MAPKAPK3: variants seen among roughly 807,000 people sequenced by gnomAD.
The protein encoded by MAPKAPK3 is MAP kinase-activated protein kinase 3.
A neutral mutation model predicts 49.2 loss-of-function variants in MAPKAPK3; 35 were observed. The observed-to-expected ratio is 0.71, with a 90% confidence interval of 0.54 to 0.94. The LOEUF (loss-of-function observed/expected upper bound fraction) is 0.94. Ranked by LOEUF, MAPKAPK3 falls within the 40% of genes least tolerant of loss-of-function variation. The pLI is 0.00. For synonymous variants in MAPKAPK3, 178 were observed against 188.7 expected (o/e 0.94, Z 0.46); for missense variants, 398 against 493.1 (o/e 0.81, Z 1.83).
At chr3:50,632,490 G>A (rs1454032453) in intron 2 of MAPKAPK3, among the ~76,000 whole-genome samples, 1 of 152,212 alleles carries the variant, frequency 6.6e-6, no homozygotes, top group Non-Finnish European at 1.5e-5. Flanking sequence ...AATAAGCAGG[G>A]CTTGCAGAAA....
upstream of MAPKAPK3, among the ~76,000 whole-genome samples, chr3:50,616,680 C>T (rs1441439176): frequency 2.0e-5 from 3 of 152,134 alleles, no homozygotes; most frequent in African/African-American, 7.2e-5. Context: ...GTGGCGAATT[C>T]AACAACGACA....
rs780822673 is a variant in MAPKAPK3 at position 50,646,175 on chromosome 3, G to T, written c.740G>T (p.Gly247Val). ...CGFPPFYSNTGQAISPGMKRR... is the reference protein window; with the variant it reads ...CGFPPFYSNTVQAISPGMKRR... ...TTCCCACCCTTCTACTCCAACACGG[G>T]CCAGGCCATCTCCCCGGGGATGAAG... Residue 247 changes from glycine to valine, a missense_variant, in exon 8 of 11, where the codon GGC becomes GTC. Gly to Val is a moderately radical substitution (Grantham distance 109). Coordinates refer to ENST00000621469, the MANE Select transcript of MAPKAPK3 (RefSeq NM_001243925.2). 1 of 1,614,080 alleles carries T rather than the reference G, an allele frequency of 6.2e-7. No homozygotes were observed. Among genetic ancestry groups the T allele is most frequent in the Non-Finnish European group, 8.5e-7 (1 of 1,180,004 alleles).
intron 2 of MAPKAPK3, among the ~76,000 whole-genome samples, chr3:50,627,108 C>G (rs1277493428): frequency 6.6e-6 from 1 of 150,702 alleles, no homozygotes; most frequent in East Asian, 2.0e-4. Flanking sequence ...CACTTGAACC[C>G]GGGAAATGGA....
upstream of MAPKAPK3, among the ~76,000 whole-genome samples, chr3:50,613,299 T>C (rs1430601232): frequency 2.6e-5 from 4 of 152,214 alleles, no homozygotes; most frequent in East Asian, 1.9e-4. Flanking sequence ...AAAAGAAACC[T>C]GAAAGCAAAA....
In MAPKAPK3 at chr3:50,647,202, AGGTG is replaced by A. The variant is rs1198671194; in HGVS notation, c.996+6_996+9del. 3 of 1,584,650 alleles carry A rather than the reference AGGTG, an allele frequency of 1.9e-6. No individual in the cohort carries two copies. Among genetic ancestry groups the A allele is most frequent in the Non-Finnish European group, 2.6e-6 (3 of 1,165,034 alleles). ...GACAAAGACCACTGGGACGAAGTCA[AGGTG>A]GGTGGGCTCTGCCTCAGTCTCAATA... On this transcript the variant is annotated splice_donor_variant and splice_donor_region_variant and coding_sequence_variant and intron_variant, in exon 10 of 11. Coordinates refer to ENST00000621469, the MANE Select transcript of MAPKAPK3 (RefSeq NM_001243925.2). LOFTEE classifies it high-confidence loss of function.
intron 2 of MAPKAPK3, among the ~76,000 whole-genome samples, chr3:50,621,423 C>G (rs1308151840): frequency 6.6e-6 from 1 of 152,056 alleles, no homozygotes; most frequent in Non-Finnish European, 1.5e-5. Context: ...AAAACCTTGT[C>G]TCTACTAAAA....
intron 2 of MAPKAPK3, among the ~76,000 whole-genome samples, chr3:50,620,680 G>C (rs1480511893): frequency 6.6e-6 from 1 of 152,150 alleles, no homozygotes; most frequent in East Asian, 1.9e-4. Context: ...CCACCTGCTT[G>C]GTTCATCTTG....
At chr3:50,619,369 G>A (rs1399286208) in intron 2 of MAPKAPK3, among the ~76,000 whole-genome samples, 1 of 152,178 alleles carries the variant, frequency 6.6e-6, no homozygotes, top group Non-Finnish European at 1.5e-5. Context: ...GAGGATCAGG[G>A]TTGGGCTGGT....
At chr3:50,640,247 C>T (rs948637811) in intron 2 of MAPKAPK3, 119 bp from the exon 3 acceptor site, 8 of 969,492 alleles carry the variant, frequency 8.3e-6, no homozygotes, top group Non-Finnish European at 1.2e-5. Flanking sequence ...TCTCATTCTG[C>T]TCCTTATAAG....
intron 2 of MAPKAPK3, among the ~76,000 whole-genome samples, chr3:50,639,792 C>T (rs1352990813): frequency 1.3e-5 from 2 of 152,092 alleles, no homozygotes; most frequent in African/African-American, 4.8e-5. Context: ...GTTAGTGCAC[C>T]CTCTCCCCTC....
At chr3:50,638,701 C>A (rs1420242038) in intron 2 of MAPKAPK3, among the ~76,000 whole-genome samples, 1 of 152,206 alleles carries the variant, frequency 6.6e-6, no homozygotes, top group African/African-American at 2.4e-5. Context: ...GCCTGCCTCT[C>A]CCCTCTCTGG....
At chr3:50,643,664 A>G (rs1205298344) in intron 5 of MAPKAPK3, among the ~76,000 whole-genome samples, 1 of 152,130 alleles carries the variant, frequency 6.6e-6, no homozygotes, top group Non-Finnish European at 1.5e-5. Flanking sequence ...AATAGACTAA[A>G]ACTGCTTCTC....
At position 50,648,097 on chromosome 3, in the gene MAPKAPK3, A is replaced by G. The variant is rs773713410; in HGVS notation, c.*51A>G. The G allele has an allele frequency of 6.4e-7, 1 of 1,565,212 alleles. No individual in the cohort carries two copies. The highest frequency in any genetic ancestry group is 8.7e-7 in the Non-Finnish European group (1 of 1,154,536). On this transcript the variant is annotated 3_prime_UTR_variant, in exon 11 of 11. Coordinates refer to ENST00000621469, the MANE Select transcript of MAPKAPK3 (RefSeq NM_001243925.2). ...CCTCTCAGCCTGCATAACAGACTGA[A>G]ATGTGCTCAGGCCCTGGCCAGGAGG...
At chr3:50,616,564 G>A (rs1004540511), upstream of MAPKAPK3, among the ~76,000 whole-genome samples, 4 of 152,330 alleles carry the variant, frequency 2.6e-5, no homozygotes, top group South Asian at 8.3e-4. Context: ...TCCCCAGGAT[G>A]CTGTATATAC....
intron 2 of MAPKAPK3, among the ~76,000 whole-genome samples, chr3:50,630,221 C>G (rs1482124149): frequency 6.6e-6 from 1 of 152,166 alleles, no homozygotes; most frequent in Non-Finnish European, 1.5e-5. Context: ...GTGTAGATGT[C>G]ATCATCAAGC....
upstream of MAPKAPK3, chr3:50,617,095 A>AGG (rs2032482884): frequency 4.8e-4 from 1 of 2,100 alleles, no homozygotes; most frequent in African/African-American, 1.7e-3. Context: ...GGAGTGGGGG[A>AGG]GTGGGGGAGG....
chr3:50,647,737 G>A (rs188493451), intron 10 of MAPKAPK3, among the ~76,000 whole-genome samples, 157 bp from the exon 11 acceptor site: 36 of 152,386 alleles, frequency 2.4e-4, no homozygotes, highest in Admixed American at 4.6e-4. Flanking sequence ...TGAGGATCAT[G>A]TGATGCAAAG....
At chr3:50,638,517 G>A (rs1055826492) in intron 2 of MAPKAPK3, among the ~76,000 whole-genome samples, 2 of 152,174 alleles carry the variant, frequency 1.3e-5, no homozygotes, top group African/African-American at 2.4e-5. Context: ...CAGCCTTGAC[G>A]CACACCCCCA....
At chr3:50,617,374 G>C (rs1003925928) in intron 1 of MAPKAPK3, 133 bp downstream of exon 1, 2 of 507,616 alleles carry the variant, frequency 3.9e-6, no homozygotes, top group African/African-American at 3.8e-5. Context: ...ACCGCCCCTT[G>C]CTGCACGTCT....
Sources: gnomAD v4.1 joint callset for allele counts (sites outside exome capture counted in the v4.1 genomes callset) on GRCh38, gnomAD v4.1.1 for gene constraint, MANE v1.5 for transcripts, NCBI Gene and HGNC (gene_info 2026-07-23, HGNC 2026-07-21) for gene names.